The following MSH4 variants were observed in gnomAD, a reference collection of about 807,000 sequenced individuals.
MSH4 encodes mutS protein homolog 4.
In MSH4, 106 loss-of-function variants were observed where a neutral mutation model predicts 113.7. That is an observed-to-expected ratio of 0.93 (90% CI 0.80 to 1.10). MSH4 has a LOEUF of 1.10. MSH4 is among the 50% of genes least tolerant of loss of function. The probability of loss-of-function intolerance (pLI) is 0.00; values close to 1 mark genes in which losing one functional copy is unlikely to be tolerated. For missense variants in MSH4, 1,061 were observed against 1,093.7 expected (o/e 0.97, Z 0.42); for synonymous variants, 368 against 380.2 (o/e 0.97, Z 0.37).
intron 7 of MSH4, among the ~76,000 whole-genome samples, chr1:75,841,211 CTCTT>C (rs1311934667): frequency 2.4e-5 from 3 of 125,472 alleles, no homozygotes; most frequent in Non-Finnish European, 4.9e-5. Context: ...TGTTCTCTCT[CTCTT>C]TCTTTCACAG....
intron 14 of MSH4, among the ~76,000 whole-genome samples, chr1:75,882,737 G>A (rs899651334): frequency 6.7e-6 from 1 of 149,802 alleles, no homozygotes; most frequent in African/African-American, 2.5e-5. Context: ...TTCTTGAAAG[G>A]CTGAGGCAGG....
intron 6 of MSH4, among the ~76,000 whole-genome samples, chr1:75,817,362 G>A (rs1336940012): frequency 3.5e-5 from 2 of 57,772 alleles, no homozygotes; most frequent in Non-Finnish European, 9.9e-5. Flanking sequence ...TAGGTTATAG[G>A]TTAAAATTAC....
At chr1:75,885,023 A>G (rs1198323262) in intron 15 of MSH4, among the ~76,000 whole-genome samples, 47 of 122,214 alleles carry the variant, frequency 3.8e-4, no homozygotes, top group South Asian at 7.1e-4. Flanking sequence ...GTGTGTATAT[A>G]TATATATGTG....
chr1:75,904,959 G>A (rs932385435), intron 19 of MSH4, among the ~76,000 whole-genome samples: 6 of 151,658 alleles, frequency 4.0e-5, no homozygotes, highest in African/African-American at 1.5e-4. Flanking sequence ...TTTCATTTCT[G>A]ATTTTATTTG....
Position 75,885,756 on chromosome 1 carries a change from A to ATATATAGTATATATAATGTAT in MSH4, c.2107+1951_2107+1971dup, listed in dbSNP as rs1553138326. On this transcript the variant is annotated intron_variant, in intron 15 of 19. Coordinates refer to ENST00000263187, the MANE Select transcript of MSH4 (RefSeq NM_002440.4). Reference sequence around the variant, plus strand: ...GTATATATAGTATATATAATGTATTATATATAGTATATATAATGTATTATA... The same window carrying ATATATAGTATATATAATGTAT: ...GTATATATAGTATATATAATGTATTATATATAGTATATATAATGTATTATATAGTATATATAATGTATTATA... Among the ~76,000 whole-genome samples, 4 of 112,132 alleles carry ATATATAGTATATATAATGTAT rather than the reference A, an allele frequency of 3.6e-5. No individual in the cohort carries two copies. In the South Asian group the frequency reaches 8.0e-4, roughly 22 times the overall value. 73.6% of individuals were successfully genotyped at this position (112,132 alleles called of 152,430 possible).
intron 19 of MSH4, among the ~76,000 whole-genome samples, chr1:75,902,793 C>T (rs1652539569): frequency 7.6e-6 from 1 of 132,402 alleles, no homozygotes; most frequent in South Asian, 2.4e-4. Flanking sequence ...ATTCCCACCA[C>T]CTGTTGGCTA....
At chr1:75,858,434 C>T (rs1310171439) in intron 8 of MSH4, among the ~76,000 whole-genome samples, 1 of 152,130 alleles carries the variant, frequency 6.6e-6, no homozygotes, top group African/African-American at 2.4e-5. Context: ...TGTTGAGATA[C>T]ATTCCATTGA....
chr1:75,864,866 T>C (rs1400184384), intron 8 of MSH4, among the ~76,000 whole-genome samples: 1 of 152,210 alleles, frequency 6.6e-6, no homozygotes, highest in East Asian at 1.9e-4. Flanking sequence ...GGAAGACTTC[T>C]TGCTTGAAGC....
intron 10 of MSH4, 97 bp from the exon 11 acceptor site, chr1:75,878,052 A>G (rs1651852469): frequency 1.1e-6 from 1 of 894,824 alleles, no homozygotes. Flanking sequence ...ATAACTTTCA[A>G]CAAAAATTTG....
Position 75,890,904 on chromosome 1 carries a change from C to G in MSH4, c.2355+80C>G. The G allele has an allele frequency of 2.5e-6, 3 of 1,216,028 alleles. No individual in the cohort carries two copies. The South Asian group carries it at 4.3e-5, about 18-fold the overall frequency. The allele number at this position is 1,216,028 out of a possible 1,614,324, so 75.3% of individuals were successfully genotyped here. A position where few individuals can be genotyped will look rare whatever the true frequency, so the allele number is the denominator to read the frequency against. ...ATTATTATTGAATTTTATGGACACC[C>G]ACAAATAGCTTTTAAAACAATTTAG... is the stretch of plus-strand genomic sequence containing the variant. On this transcript the variant is annotated intron_variant, in intron 17 of 19. Transcript: ENST00000263187.
Position 75,876,277 on chromosome 1 carries a change from A to T in MSH4, c.1306-659A>T, listed in dbSNP as rs1439251607. ...AGGAAATATAATATTTAGAATGTTT[A>T]TCTTTGGACAATAGTAGATTTAATT... On this transcript the variant is annotated intron_variant, in intron 9 of 19. Coordinates refer to ENST00000263187, the MANE Select transcript of MSH4 (RefSeq NM_002440.4). Among the ~76,000 whole-genome samples, 7 of 152,248 alleles carry T rather than the reference A, an allele frequency of 4.6e-5. No individual in the cohort carries two copies. The East Asian group carries it at 1.4e-3, about 29-fold the overall frequency.
intron 9 of MSH4, among the ~76,000 whole-genome samples, chr1:75,876,342 G>C (rs1313739527): frequency 6.6e-6 from 1 of 151,812 alleles, no homozygotes; most frequent in Non-Finnish European, 1.5e-5. Context: ...GTTTTTATCT[G>C]TCTGTGCATA....
Position 75,881,342 on chromosome 1 carries a change from T to C in MSH4, c.1878T>C (p.Phe626=). 1 of 1,612,050 alleles carries C rather than the reference T, an allele frequency of 6.2e-7. No homozygotes were observed. Among genetic ancestry groups the C allele is most frequent in the Non-Finnish European group, 8.5e-7 (1 of 1,179,108 alleles). Residue 626 remains phenylalanine, a synonymous_variant, in exon 14 of 20, where the codon TTT becomes TTC. Coordinates refer to ENST00000263187, the MANE Select transcript of MSH4 (RefSeq NM_002440.4). ...TVSMLDMLLS[F]AHACTLSDYV... ...CAATGCTGGATATGCTACTGTCATT[T>C]GCTCATGCCTGCACTCTTTCTGACT...
chr1:75,838,525 G>T (rs2100537472), intron 7 of MSH4, among the ~76,000 whole-genome samples: 1 of 152,198 alleles, frequency 6.6e-6, no homozygotes, highest in East Asian at 1.9e-4. Context: ...GAGGGTGGTG[G>T]TTACCATACT....
At chr1:75,842,447 T>C (rs1297234288) in intron 7 of MSH4, among the ~76,000 whole-genome samples, 1 of 152,132 alleles carries the variant, frequency 6.6e-6, no homozygotes, top group African/African-American at 2.4e-5. Context: ...TGTTCCAGTA[T>C]AGTAAAATAT....
chr1:75,827,664 C>CAAA (rs201976546), intron 7 of MSH4, among the ~76,000 whole-genome samples: 81 of 118,364 alleles, frequency 6.8e-4, no homozygotes, highest in African/African-American at 1.9e-3. Context: ...AAATGGAAAG[C>CAAA]AAAAAAAAAA....
At chr1:75,904,062 G>A (rs1434653970) in intron 19 of MSH4, among the ~76,000 whole-genome samples, 2 of 152,052 alleles carry the variant, frequency 1.3e-5, no homozygotes, top group Non-Finnish European at 2.9e-5. Context: ...TTGTTGAGAC[G>A]TTTTGTCATA....
In MSH4 at chr1:75,829,815, C is replaced by A. The variant is rs577564102; in HGVS notation, c.1162+7234C>A. 4.6e-5 allele frequency among the ~76,000 whole-genome samples: 7 copies of A among 152,222 alleles called. No individual in the cohort carries two copies. The South Asian group carries it at 1.5e-3, about 32-fold the overall frequency. ...ACCATCATCAAAGACCAAAGGTAGA[C>A]AAAGCCACAAAGATGGGGAGAAACC... is the stretch of plus-strand genomic sequence containing the variant. On this transcript the variant is annotated intron_variant, in intron 7 of 19. Transcript: ENST00000263187.
chr1:75,866,587 G>A (rs989997626), intron 8 of MSH4, among the ~76,000 whole-genome samples: 7 of 151,980 alleles, frequency 4.6e-5, no homozygotes, highest in African/African-American at 1.7e-4. Context: ...ACCCATTTGG[G>A]GCTAACAACA....
Sources: allele counts gnomAD v4.1 joint callset (sites outside exome capture counted in the v4.1 genomes callset), GRCh38; gene constraint gnomAD v4.1.1; transcripts MANE v1.5; gene names NCBI Gene and HGNC (gene_info 2026-07-23, HGNC 2026-07-21).